The following TRDMT1 variants were observed in gnomAD, a reference collection of about 807,000 sequenced individuals.
TRDMT1 encodes tRNA (cytosine(38)-C(5))-methyltransferase.
Under a neutral mutation model 51.2 loss-of-function variants are expected in TRDMT1, and 49 were observed. The ratio of observed to expected loss-of-function variants is 0.96; its 90% CI spans 0.76 to 1.21. TRDMT1 has a LOEUF of 1.21. Ranked by LOEUF, TRDMT1 falls within the 50% of genes most tolerant of loss-of-function variation. TRDMT1 has a pLI of 0.00. For synonymous variants in TRDMT1, 187 were observed against 164.6 expected (o/e 1.14, Z -1.04); for missense variants, 534 against 462.3 (o/e 1.16, Z -1.42).
Position 17,143,443 on chromosome 10 carries a change from TTTC to T in TRDMT1, c.*5594_*5596del, listed in dbSNP as rs1837843270. On this transcript the variant is annotated 3_prime_UTR_variant, in exon 11 of 11. Coordinates refer to ENST00000377799, the MANE Select transcript of TRDMT1 (RefSeq NM_004412.7). ...GCTCTTAAATATGAAAGTCAACTCATTTCTACTACACAAGGAGTATCACATTCC... is the reference window on the plus strand; with the variant it reads ...GCTCTTAAATATGAAAGTCAACTCATTACTACACAAGGAGTATCACATTCC... The T allele has an allele frequency of 1.0e-6, 1 of 985,472 alleles. No individual in the cohort carries two copies. The highest frequency in any genetic ancestry group is 1.2e-6 in the Non-Finnish European group (1 of 829,932). The allele number at this position is 985,472 out of a possible 1,614,324, so 61.0% of individuals were successfully genotyped here. A position where few individuals can be genotyped will look rare whatever the true frequency, so the allele number is the denominator to read the frequency against.
rs1347037896 is a variant in TRDMT1, at chr10:17,157,638, A to G, written c.690T>C (p.Phe230=). ...GAATTTCTTCTGCAGTTTCAAGCTT[A>G]AAAAGAATGGCATCTTTTCCAGAAC... ...IQCSGKDAIL[F]KLETAEEIHR... The change falls in exon 8 of 11, where the codon TTT becomes TTC. Residue 230 remains phenylalanine (F), a synonymous_variant. Transcript: ENST00000377799. The G allele has an allele frequency of 1.2e-6, 2 of 1,613,756 alleles. No individual in the cohort carries two copies. The highest frequency in any genetic ancestry group is 1.7e-6 in the Non-Finnish European group (2 of 1,179,822).
In TRDMT1 at chr10:17,139,291, C is replaced by A. The variant is rs759950861; in HGVS notation, c.*9749G>T. On this transcript the variant is annotated 3_prime_UTR_variant, in exon 11 of 11. Coordinates refer to ENST00000377799, the MANE Select transcript of TRDMT1 (RefSeq NM_004412.7). ...GTTAAATATTTAGACACCATTCATACGATAATCAAAGGAAAATGTCTGATT... is the reference window on the plus strand; with the variant it reads ...GTTAAATATTTAGACACCATTCATAAGATAATCAAAGGAAAATGTCTGATT... 4 of 822,798 alleles carry A rather than the reference C, an allele frequency of 4.9e-6. No individual in the cohort carries two copies. The South Asian group carries it at 1.7e-4, about 34-fold the overall frequency. 51.0% of individuals were successfully genotyped at this position (822,798 alleles called of 1,614,324 possible).
At chr10:17,159,535 A>G (rs1564571443) in intron 6 of TRDMT1, among the ~76,000 whole-genome samples, 2 of 152,176 alleles carry the variant, frequency 1.3e-5, no homozygotes, top group African/African-American at 2.4e-5. Context: ...CATTATTGAT[A>G]ATATATTAAT....
At position 17,157,613 on chromosome 10, in the gene TRDMT1, G is replaced by A. The variant is rs776352613; in HGVS notation, c.715C>T (p.His239Tyr). 5 of 1,613,690 alleles carry A rather than the reference G, an allele frequency of 3.1e-6. No individual in the cohort carries two copies. Among genetic ancestry groups the A allele is most frequent in the Non-Finnish European group, 4.2e-6 (5 of 1,179,868 alleles). ...LFKLETAEEI[H>Y]RKNQQDSDLS... ...TCACTATCTTGTTGATTTTTCCTGT[G>A]AATTTCTTCTGCAGTTTCAAGCTTA... is the stretch of plus-strand genomic sequence containing the variant. The change falls in exon 8 of 11, where the codon CAC (histidine) becomes TAC (tyrosine). Residue 239 changes from histidine (H) to tyrosine (Y), a missense_variant. Physicochemically the swap from His to Tyr is moderately conservative, Grantham distance 83. Transcript: ENST00000377799.
At chr10:17,188,760 T>C (rs1844287719) in intron 1 of TRDMT1, among the ~76,000 whole-genome samples, 1 of 152,170 alleles carries the variant, frequency 6.6e-6, no homozygotes, top group African/African-American at 2.4e-5. Context: ...CTAGCCCTTT[T>C]TGAGTTCGTG....
rs1024012265 is a variant in TRDMT1 at position 17,153,948 on chromosome 10, G to A, written c.946-312C>T. Reference sequence around the variant, plus strand: ...ATATAAAAGAAATATAGTGAAAAATGCAAAAGAAGCTTGACAAAACAACAA... The same window carrying A: ...ATATAAAAGAAATATAGTGAAAAATACAAAAGAAGCTTGACAAAACAACAA... On this transcript the variant is annotated intron_variant, in intron 9 of 10. Coordinates refer to ENST00000377799, the MANE Select transcript of TRDMT1 (RefSeq NM_004412.7). 5.3e-5 allele frequency among the ~76,000 whole-genome samples: 8 copies of A among 152,234 alleles called. 1 individual carries two copies. The highest frequency in any genetic ancestry group is 2.4e-5 in the African/African-American group (1 of 41,564).
At position 17,140,467 on chromosome 10, in the gene TRDMT1, AT is replaced by A. The variant is rs1837583466; in HGVS notation, c.*8572del. On this transcript the variant is annotated 3_prime_UTR_variant, in exon 11 of 11. Transcript: ENST00000377799. ...CATATCTAAGTCAGTTAATTGGACA[AT>A]TATTTATTAGGTACCCACTATCTGT... Among the ~76,000 whole-genome samples the A allele has an allele frequency of 6.6e-6, 1 of 152,126 alleles. No individual in the cohort carries two copies. Among genetic ancestry groups the A allele is most frequent in the Non-Finnish European group, 1.5e-5 (1 of 68,024 alleles).
rs1307416040 is a variant in TRDMT1, at chr10:17,139,548, CAA to C, written c.*9490_*9491del. 6.9e-6 allele frequency among the ~76,000 whole-genome samples: 1 copy of C among 145,264 alleles called. No individual in the cohort carries two copies. Among genetic ancestry groups the C allele is most frequent in the Non-Finnish European group, 1.5e-5 (1 of 67,978 alleles). On this transcript the variant is annotated 3_prime_UTR_variant, in exon 11 of 11. Transcript: ENST00000377799. ...AAAATGAAAAAAAAGAAAAAGAAAA[CAA>C]AGTTTGGGGATACCTGGCACTCTTC... is the stretch of plus-strand genomic sequence containing the variant.
intron 3 of TRDMT1, among the ~76,000 whole-genome samples, chr10:17,167,509 C>T (rs1841376680): frequency 6.6e-6 from 1 of 152,132 alleles, no homozygotes; most frequent in African/African-American, 2.4e-5. Context: ...TAGAGGATTA[C>T]TACTGCTATT....
intron 1 of TRDMT1, among the ~76,000 whole-genome samples, chr10:17,193,326 G>A (rs1429678530): frequency 3.8e-5 from 3 of 78,094 alleles, no homozygotes; most frequent in Non-Finnish European, 6.3e-5. Flanking sequence ...TTAAGCCACT[G>A]CACTCCACCC....
chr10:17,154,680 C>A lies in TRDMT1; in HGVS notation c.942G>T (p.Val314=). 6.3e-7 allele frequency: 1 copy of A among 1,598,060 alleles called. No homozygotes were observed. The highest frequency in any genetic ancestry group is 8.5e-7 in the Non-Finnish European group (1 of 1,173,276). Residue 314 remains valine (V), a synonymous_variant, in exon 9 of 11, where the codon GTG becomes GTT. Coordinates refer to ENST00000377799, the MANE Select transcript of TRDMT1 (RefSeq NM_004412.7). ...TGSVLQTAED[V]QVENIYKSLT... ...AGCTTTAAAACATGCATAGTACCTGCACATCCTCTGCAGTCTGTAACACAG... is the reference window on the plus strand; with the variant it reads ...AGCTTTAAAACATGCATAGTACCTGAACATCCTCTGCAGTCTGTAACACAG...
intron 10 of TRDMT1, chr10:17,151,073 G>C (rs1321595695): frequency 1.1e-6 from 1 of 892,704 alleles, no homozygotes; most frequent in Admixed American, 6.2e-5. Context: ...TGGTGCAAAA[G>C]CATTGCAGTT....
chr10:17,145,614 G>T lies in TRDMT1; in HGVS notation c.*3426C>A, dbSNP rs1339209114. ...CAAGCCGAAGGCCAAATTATGACAA[G>T]GTAACCTGTTCATAACATAAGCAAT... On this transcript the variant is annotated 3_prime_UTR_variant, in exon 11 of 11. Transcript: ENST00000377799. 3 of 985,284 alleles carry T rather than the reference G, an allele frequency of 3.0e-6. No homozygotes were observed. The highest frequency in any genetic ancestry group is 3.6e-6 in the Non-Finnish European group (3 of 829,932). The allele number at this position is 985,284 out of a possible 1,614,324, so 61.0% of individuals were successfully genotyped here.
At chr10:17,185,668 C>A (rs532933999) in intron 1 of TRDMT1, among the ~76,000 whole-genome samples, 2 of 152,202 alleles carry the variant, frequency 1.3e-5, no homozygotes, top group South Asian at 4.2e-4. Flanking sequence ...AAATGTCCAT[C>A]AATGATAGAC....
chr10:17,144,734 C>T lies in TRDMT1; in HGVS notation c.*4306G>A. 1.0e-6 allele frequency: 1 copy of T among 985,246 alleles called. No individual in the cohort carries two copies. The highest frequency in any genetic ancestry group is 1.2e-6 in the Non-Finnish European group (1 of 829,906). The allele number at this position is 985,246 out of a possible 1,614,324, so 61.0% of individuals were successfully genotyped here. On this transcript the variant is annotated 3_prime_UTR_variant, in exon 11 of 11. Transcript: ENST00000377799. ...CTTGATTGTGTAAGATTTTGAAGAG[C>T]ATGAGTACCTTAAAATGTTCCTAGA...
intron 1 of TRDMT1, among the ~76,000 whole-genome samples, chr10:17,180,985 A>T (rs1349549883): frequency 6.6e-6 from 1 of 152,212 alleles, no homozygotes; most frequent in Non-Finnish European, 1.5e-5. Context: ...TGACTCAAAA[A>T]TATGATTTCT....
Position 17,147,193 on chromosome 10 carries a change from A to T in TRDMT1, c.*1847T>A, listed in dbSNP as rs918298265. On this transcript the variant is annotated 3_prime_UTR_variant, in exon 11 of 11. Transcript: ENST00000377799. ...TTAGAATATTTCAGCAGTGAACAGAACCTACATGAAAGTGTGCCAAAATAA... is the reference window on the plus strand; with the variant it reads ...TTAGAATATTTCAGCAGTGAACAGATCCTACATGAAAGTGTGCCAAAATAA... 16 of 985,818 alleles carry T rather than the reference A, an allele frequency of 1.6e-5. No individual in the cohort carries two copies. Among genetic ancestry groups the T allele is most frequent in the Non-Finnish European group, 1.7e-5 (14 of 829,914 alleles). 61.1% of individuals were successfully genotyped at this position (985,818 alleles called of 1,614,324 possible).
intron 10 of TRDMT1, chr10:17,151,648 T>C (rs533663285): frequency 6.1e-5 from 59 of 969,394 alleles, no homozygotes; most frequent in Non-Finnish European, 7.1e-5. Flanking sequence ...GTATTATACA[T>C]ATATATTCAA....
chr10:17,145,514 C>A lies in TRDMT1; in HGVS notation c.*3526G>T, dbSNP rs1397278683. Reference sequence around the variant, plus strand: ...CAAGAAAACTGCTGAGGCTATATGACCCTCACACAGTTTCAAAGTCCAAAG... The same window carrying A: ...CAAGAAAACTGCTGAGGCTATATGAACCTCACACAGTTTCAAAGTCCAAAG... On this transcript the variant is annotated 3_prime_UTR_variant, in exon 11 of 11. Transcript: ENST00000377799. The A allele has an allele frequency of 7.1e-6, 7 of 985,268 alleles. No homozygotes were observed. Among genetic ancestry groups the A allele is most frequent in the Non-Finnish European group, 8.4e-6 (7 of 829,948 alleles). 61.0% of individuals were successfully genotyped at this position (985,268 alleles called of 1,614,324 possible).
Sources: gnomAD v4.1 joint callset for allele counts (sites outside exome capture counted in the v4.1 genomes callset) on GRCh38, gnomAD v4.1.1 for gene constraint, MANE v1.5 for transcripts, NCBI Gene and HGNC (gene_info 2026-07-23, HGNC 2026-07-21) for gene names.